Variants in CDH8 observed in about 807,000 individuals in gnomAD.
CDH8 encodes the protein cadherin-8.
Under a neutral mutation model 68.1 loss-of-function variants are expected in CDH8, and 17 were observed. The ratio of observed to expected loss-of-function variants is 0.25; its 90% CI spans 0.17 to 0.37. The LOEUF is 0.37. CDH8 is among the 10% of genes least tolerant of loss of function. CDH8 has a pLI of 1.00. For missense variants in CDH8, 763 were observed against 999.3 expected (o/e 0.76, Z 3.19); for synonymous variants, 372 against 365.1 (o/e 1.02, Z -0.21).
At chr16:61,732,954 A>G (rs1055710125) in intron 8 of CDH8, among the ~76,000 whole-genome samples, 9 of 151,828 alleles carry the variant, frequency 5.9e-5, no homozygotes, top group African/African-American at 2.2e-4. Context: ...GAACAAATGA[A>G]AAGAACAGAA....
chr16:61,831,458 G>A (rs901546835), intron 4 of CDH8, among the ~76,000 whole-genome samples: 6 of 151,768 alleles, frequency 4.0e-5, no homozygotes, highest in African/African-American at 1.5e-4. Flanking sequence ...TGGTTCAGGA[G>A]TTTAAGAATT....
chr16:61,878,889 A>G (rs1379463956), intron 3 of CDH8, among the ~76,000 whole-genome samples: 1 of 152,166 alleles, frequency 6.6e-6, no homozygotes. Context: ...TCCAGACCAC[A>G]TGCTGTCTGC....
Position 61,649,909 on chromosome 16 carries a change from C to T in CDH8, c.*3699G>A, listed in dbSNP as rs537431356. On this transcript the variant is annotated 3_prime_UTR_variant, in exon 12 of 12. Coordinates refer to ENST00000577390, the MANE Select transcript of CDH8 (RefSeq NM_001796.5). ...TTCTAAGTCTCATGCAGAGACTTGT[C>T]TTACTTTAAGCATCTGATTAAGCAG... 2.6e-5 allele frequency: 4 copies of T among 152,206 alleles called. No homozygotes were observed. Among genetic ancestry groups the T allele is most frequent in the African/African-American group, 9.6e-5 (4 of 41,556 alleles). The allele number at this position is 152,206 out of a possible 1,614,324, so 9.4% of individuals were successfully genotyped here.
At chr16:61,847,821 A>C (rs1341591583) in intron 4 of CDH8, among the ~76,000 whole-genome samples, 1 of 151,696 alleles carries the variant, frequency 6.6e-6, no homozygotes, top group Non-Finnish European at 1.5e-5. Context: ...TAAACATAAA[A>C]GATTACTGTC....
intron 7 of CDH8, among the ~76,000 whole-genome samples, chr16:61,794,649 C>T (rs118189200): frequency 1.1e-4 from 16 of 151,908 alleles, no homozygotes; most frequent in East Asian, 5.8e-4. Context: ...TAGTGTCCTG[C>T]GTGTACACAG....
chr16:62,015,929 A>G (rs962782327), intron 2 of CDH8, among the ~76,000 whole-genome samples: 9 of 152,158 alleles, frequency 5.9e-5, no homozygotes, highest in South Asian at 2.1e-4. Context: ...ATAAATTTCT[A>G]TTGTTTATTA....
rs566474776 is a variant in CDH8 at position 62,002,776 on chromosome 16, G to A, written c.252+18376C>T. Among the ~76,000 whole-genome samples the A allele has an allele frequency of 2.3e-4, 35 of 152,252 alleles. 1 individual carries two copies. The highest frequency in any genetic ancestry group is 5.9e-4 in the Admixed American group (9 of 15,280). ...ACTGTGCTTAAAAACAAATTTGGCC[G>A]GGTGCGGTGGCTCACGCCTGTAATC... On this transcript the variant is annotated intron_variant, in intron 2 of 11. Transcript: ENST00000577390.
chr16:62,017,433 C>G (rs1901968001), intron 2 of CDH8, among the ~76,000 whole-genome samples: 1 of 152,120 alleles, frequency 6.6e-6, no homozygotes, highest in Non-Finnish European at 1.5e-5. Flanking sequence ...GTAATCCCAG[C>G]ATTTTGAGAA....
intron 3 of CDH8, among the ~76,000 whole-genome samples, chr16:61,895,581 G>T (rs1963856793): frequency 6.6e-6 from 1 of 152,106 alleles, no homozygotes; most frequent in South Asian, 2.1e-4. Flanking sequence ...TTATGTATCT[G>T]TGCACACAAC....
intron 2 of CDH8, among the ~76,000 whole-genome samples, chr16:61,973,584 G>A (rs550114860): frequency 4.7e-4 from 71 of 152,202 alleles, no homozygotes; most frequent in African/African-American, 1.5e-3. Flanking sequence ...CCCAACTCTT[G>A]TTCACAACAC....
At chr16:61,934,333 A>G (rs1055078699) in intron 2 of CDH8, 5 of 146,362 alleles carry the variant, frequency 3.4e-5, no homozygotes, top group African/African-American at 1.3e-4. Flanking sequence ...ATAGCTTATA[A>G]CAACAAAAGG....
chr16:61,778,124 C>T (rs1960947506), intron 8 of CDH8, among the ~76,000 whole-genome samples: 1 of 151,988 alleles, frequency 6.6e-6, no homozygotes, highest in African/African-American at 2.4e-5. Flanking sequence ...AATTTCACTG[C>T]CCACTTTAGG....
intron 6 of CDH8, among the ~76,000 whole-genome samples, chr16:61,819,154 A>G (rs1172781852): frequency 3.3e-5 from 5 of 151,996 alleles, no homozygotes; most frequent in African/African-American, 4.8e-5. Context: ...TTCCAGCTCA[A>G]GATAACAACA....
At chr16:61,930,367 A>G (rs1964523623) in intron 2 of CDH8, among the ~76,000 whole-genome samples, 1 of 152,130 alleles carries the variant, frequency 6.6e-6, no homozygotes, top group Non-Finnish European at 1.5e-5. Context: ...TTAAGTGCAT[A>G]TAATCTTTAG....
intron 10 of CDH8, among the ~76,000 whole-genome samples, chr16:61,678,601 A>T (rs1057320371): frequency 6.6e-6 from 1 of 151,994 alleles, no homozygotes; most frequent in African/African-American, 2.4e-5. Context: ...ATAGGTATAC[A>T]CATGCCATGG....
chr16:61,932,661 C>T (rs888089506), intron 2 of CDH8, among the ~76,000 whole-genome samples: 4 of 152,116 alleles, frequency 2.6e-5, no homozygotes, highest in African/African-American at 9.7e-5. Flanking sequence ...ATTCTAAACC[C>T]TGTGGATATA....
At chr16:61,668,601 T>C (rs1257053086) in intron 10 of CDH8, among the ~76,000 whole-genome samples, 1 of 151,760 alleles carries the variant, frequency 6.6e-6, no homozygotes, top group East Asian at 1.9e-4. Context: ...CTAGAAAGAA[T>C]ATTTTATCTA....
Position 61,767,415 on chromosome 16 carries a change from G to A in CDH8, c.1414+21931C>T, listed in dbSNP as rs1043571012. Among the ~76,000 whole-genome samples the A allele has an allele frequency of 2.0e-5, 3 of 151,920 alleles. No individual in the cohort carries two copies. The Admixed American group carries it at 2.0e-4, about 10-fold the overall frequency. On this transcript the variant is annotated intron_variant, in intron 8 of 11. Transcript: ENST00000577390. ...AAACAAGTCAGCTGTCTGAGTTCTG[G>A]CTATATCACCTGAAACGCAGGATAA...
At chr16:61,753,617 G>A (rs894242437) in intron 8 of CDH8, among the ~76,000 whole-genome samples, 11 of 152,122 alleles carry the variant, frequency 7.2e-5, no homozygotes, top group Non-Finnish European at 1.0e-4. Flanking sequence ...TATTCATAAA[G>A]AGGCCCTTAG....
Sources: gnomAD v4.1 joint callset for allele counts (sites outside exome capture counted in the v4.1 genomes callset) on GRCh38, gnomAD v4.1.1 for gene constraint, MANE v1.5 for transcripts, NCBI Gene and HGNC (gene_info 2026-07-23, HGNC 2026-07-21) for gene names.